The following KAZN variants were observed in gnomAD, a reference collection of about 807,000 sequenced individuals.
The protein encoded by KAZN is kazrin.
KAZN carries 40 observed loss-of-function variants against 87.4 expected under a neutral mutation model. That is an observed-to-expected ratio of 0.46 (90% CI 0.36 to 0.60). The LOEUF (loss-of-function observed/expected upper bound fraction) is 0.60. Ranked by LOEUF, KAZN falls within the 20% of genes least tolerant of loss-of-function variation. The pLI, the probability that KAZN is intolerant of heterozygous loss-of-function variation, is 0.00. For synonymous variants in KAZN, 466 were observed against 458.3 expected, an observed-to-expected ratio of 1.02 and a Z score of -0.22; for missense variants, 898 against 1,073.9, an observed-to-expected ratio of 0.84 and a Z score of 2.29.
chr1:14,717,828 G>A (rs1009015905), intron 1 of KAZN, among the ~76,000 whole-genome samples: 24 of 152,246 alleles, frequency 1.6e-4, no homozygotes, highest in African/African-American at 5.5e-4. Flanking sequence ...AAAAAAGGTC[G>A]GGCCTTGATG....
chr1:14,070,505 G>A (rs76199278), intron 1 of KAZN, among the ~76,000 whole-genome samples: 355 of 152,248 alleles, frequency 2.3e-3, no homozygotes, highest in Non-Finnish European at 3.6e-3. Flanking sequence ...TAGGAAAGAC[G>A]TTTGGATTTA....
chr1:14,599,040 G>A lies in KAZN; in HGVS notation c.43G>A (p.Ala15Thr), dbSNP rs567788092. The A allele has an allele frequency of 1.3e-6, 2 of 1,569,536 alleles. No homozygotes were observed. The highest frequency in any genetic ancestry group is 1.7e-6 in the Non-Finnish European group (2 of 1,161,940). ...GCAGCTCGCGCTCCGCATCGATGGG[G>A]CGGTCCAGTCGGCCAGCCAGGAGGT... ...NKQLALRIDG[A>T]VQSASQEVTN... The change falls in exon 1 of 15, where the codon GCG becomes ACG. Residue 15 changes from alanine to threonine, a missense_variant. Ala to Thr is a moderately conservative substitution (Grantham distance 58, BLOSUM62 0). Around this residue, in one of 3 missense-constraint regions of KAZN, gnomAD observed 250 missense variants for 263.0 expected, o/e 0.95. Coordinates refer to ENST00000376030, the MANE Select transcript of KAZN (RefSeq NM_201628.3). The surrounding 1 kb of genome is among the most constrained non-coding windows in gnomAD (Gnocchi z 4.4).
intron 1 of KAZN, among the ~76,000 whole-genome samples, chr1:14,676,988 A>G (rs2148750505): frequency 6.6e-6 from 1 of 152,136 alleles, no homozygotes; most frequent in Non-Finnish European, 1.5e-5. Context: ...TAACACACAT[A>G]TAGGAAAGGA....
intron 1 of KAZN, among the ~76,000 whole-genome samples, chr1:14,943,663 G>A (rs968442105): frequency 1.3e-5 from 2 of 152,250 alleles, no homozygotes; most frequent in Admixed American, 6.5e-5. Context: ...GGAGAGGTGA[G>A]GTGACCTGCT....
intron 1 of KAZN, among the ~76,000 whole-genome samples, chr1:13,963,774 TGTGTGTGTG>T (rs1641844213): frequency 1.1e-5 from 1 of 87,986 alleles, no homozygotes; most frequent in African/African-American, 5.2e-5. Flanking sequence ...TGTGTGTGTG[TGTGTGTGTG>T]TGTGTGTGTG....
At chr1:14,668,038 AG>A (rs1331285287) in intron 1 of KAZN, among the ~76,000 whole-genome samples, 3 of 152,302 alleles carry the variant, frequency 2.0e-5, no homozygotes, top group African/African-American at 7.2e-5. Flanking sequence ...GAAGATTACC[AG>A]GGAAAAAAAC....
intron 1 of KAZN, among the ~76,000 whole-genome samples, chr1:14,058,776 CA>C (rs1394033574): frequency 6.6e-6 from 1 of 152,124 alleles, no homozygotes; most frequent in East Asian, 1.9e-4. Flanking sequence ...AGGATGGTTG[CA>C]AAAGGTCTCT....
intron 2 of KAZN, among the ~76,000 whole-genome samples, chr1:14,419,745 C>CT (rs1430698692): frequency 6.6e-6 from 1 of 151,902 alleles, no homozygotes; most frequent in Non-Finnish European, 1.5e-5. Flanking sequence ...CGTTAGGACT[C>CT]TTAAGGCGGT....
At chr1:15,009,375 G>A (rs1334356586) in intron 2 of KAZN, among the ~76,000 whole-genome samples, 1 of 152,202 alleles carries the variant, frequency 6.6e-6, no homozygotes, top group East Asian at 1.9e-4. Flanking sequence ...CGCCATCCCA[G>A]CTCCCAGAGC....
At chr1:14,128,597 G>A (rs985573355) in intron 1 of KAZN, among the ~76,000 whole-genome samples, 2 of 152,036 alleles carry the variant, frequency 1.3e-5, no homozygotes, top group African/African-American at 2.4e-5. Context: ...TCAGAAGTAC[G>A]CCAATCATAT....
rs113344234 is a variant in KAZN at position 14,744,762 on chromosome 1, A to G, written c.226+145539A>G. Among the ~76,000 whole-genome samples the G allele has an allele frequency of 2.5e-3, 379 of 152,316 alleles. 2 individuals carry two copies. Among genetic ancestry groups the G allele is most frequent in the African/African-American group, 8.5e-3 (355 of 41,582 alleles). ...AAACAATTCTTTAAAAAAGTGTAACATGCATCCAGCAAAGTCCATAGTTCA... is the reference window on the plus strand; with the variant it reads ...AAACAATTCTTTAAAAAAGTGTAACGTGCATCCAGCAAAGTCCATAGTTCA... On this transcript the variant is annotated intron_variant, in intron 1 of 14. Coordinates refer to ENST00000376030, the MANE Select transcript of KAZN (RefSeq NM_201628.3).
At chr1:14,160,077 C>T (rs1440621142) in intron 1 of KAZN, among the ~76,000 whole-genome samples, 1 of 152,156 alleles carries the variant, frequency 6.6e-6, no homozygotes, top group Non-Finnish European at 1.5e-5. Flanking sequence ...TGCCTGCACT[C>T]TTTTAGCTGT....
At chr1:13,999,625 T>C (rs1369039870) in intron 1 of KAZN, among the ~76,000 whole-genome samples, 1 of 152,076 alleles carries the variant, frequency 6.6e-6, no homozygotes, top group Admixed American at 6.5e-5. Flanking sequence ...AAATCAACCC[T>C]AACATCACAA....
intron 1 of KAZN, among the ~76,000 whole-genome samples, chr1:14,060,639 C>T (rs727668): frequency 0.17 from 26,242 of 152,052 alleles, 2,624 homozygotes; most frequent in Non-Finnish European, 0.23. Flanking sequence ...CTTGAAGCAT[C>T]TGTGACATCT....
At chr1:13,968,357 C>T (rs1244844902) in intron 1 of KAZN, among the ~76,000 whole-genome samples, 1 of 152,132 alleles carries the variant, frequency 6.6e-6, no homozygotes, top group Non-Finnish European at 1.5e-5. Context: ...TGAAAAGGTC[C>T]AGACGGAACA....
chr1:15,027,717 G>A (rs1671316126), intron 2 of KAZN, among the ~76,000 whole-genome samples: 1 of 152,184 alleles, frequency 6.6e-6, no homozygotes, highest in Non-Finnish European at 1.5e-5. Context: ...GACGTGGACC[G>A]ATTCCTCCCT....
rs199534335 is a variant in KAZN at position 14,334,904 on chromosome 1, CAG to C, written c.249+154318_249+154319del. Reference sequence around the variant, plus strand: ...AGAGAGAGACAAAAATCCACAAACTCAGAGAGAAATAGAGAGGAAGACACAGA... The same window carrying C: ...AGAGAGAGACAAAAATCCACAAACTCAGAGAAATAGAGAGGAAGACACAGA... On this transcript the variant is annotated intron_variant, in intron 2 of 16. Coordinates refer to the KAZN transcript ENST00000636203. Among the ~76,000 whole-genome samples the C allele has an allele frequency of 5.9e-5, 9 of 151,986 alleles. 1 individual carries two copies.
chr1:14,288,016 C>T (rs558826207), intron 2 of KAZN, among the ~76,000 whole-genome samples: 65 of 152,238 alleles, frequency 4.3e-4, no homozygotes, highest in Middle Eastern at 3.4e-3. Context: ...GCCTTGCATC[C>T]CAGGGATGAA....
intron 2 of KAZN, among the ~76,000 whole-genome samples, chr1:14,368,048 G>A (rs1330219159): frequency 2.6e-5 from 4 of 152,156 alleles, no homozygotes; most frequent in East Asian, 1.9e-4. Flanking sequence ...CCTTACTTGC[G>A]AACGTGGGGT....
Sources: gnomAD v4.1 joint callset for allele counts (sites outside exome capture counted in the v4.1 genomes callset) on GRCh38, gnomAD v4.1.1 for gene constraint, gnomAD v4.1.1 regional missense constraint, Gnocchi (gnomAD v3.1) non-coding constraint, MANE v1.5 for transcripts, NCBI Gene and HGNC (gene_info 2026-07-23, HGNC 2026-07-21) for gene names.